THADA: variants seen among roughly 807,000 people sequenced by gnomAD.
THADA encodes the protein THADA armadillo repeat containing.
A neutral mutation model predicts 219.8 loss-of-function variants in THADA; 213 were observed. The observed-to-expected ratio is 0.97, with a 90% confidence interval of 0.87 to 1.09. The LOEUF (loss-of-function observed/expected upper bound fraction) is 1.09. Ranked by LOEUF, THADA falls within the 50% of genes least tolerant of loss-of-function variation. THADA has a pLI of 0.00. For synonymous variants in THADA, 1,018 were observed against 828.9 expected (o/e 1.23, Z -3.92); for missense variants, 2,956 against 2,311.3 (o/e 1.28, Z -5.72).
intron 26 of THADA, among the ~76,000 whole-genome samples, chr2:43,434,296 C>T (rs981354847): frequency 6.6e-6 from 1 of 152,200 alleles, no homozygotes; most frequent in African/African-American, 2.4e-5. Context: ...ATCCCAAGCT[C>T]CCACTGATAT....
At chr2:43,485,579 C>G (rs1362890801) in intron 25 of THADA, among the ~76,000 whole-genome samples, 1 of 152,136 alleles carries the variant, frequency 6.6e-6, no homozygotes, top group East Asian at 1.9e-4. Flanking sequence ...TTACCATCAA[C>G]AGTTTTCACT....
intron 7 of THADA, among the ~76,000 whole-genome samples, chr2:43,585,180 A>G (rs1246790467): frequency 6.6e-6 from 1 of 152,036 alleles, no homozygotes; most frequent in Non-Finnish European, 1.5e-5. Flanking sequence ...CAATAGGCGC[A>G]GACATTCAAA....
chr2:43,327,265 G>A (rs1199223182), intron 30 of THADA, among the ~76,000 whole-genome samples: 1 of 152,100 alleles, frequency 6.6e-6, no homozygotes, highest in African/African-American at 2.4e-5. Flanking sequence ...TATTTAAGCA[G>A]CTCAGATCAC....
intron 26 of THADA, among the ~76,000 whole-genome samples, chr2:43,474,927 C>T (rs1041128256): frequency 5.9e-5 from 9 of 151,834 alleles, no homozygotes; most frequent in African/African-American, 2.2e-4. Flanking sequence ...TGACCCAGAC[C>T]GCCTCATGGA....
intron 28 of THADA, among the ~76,000 whole-genome samples, chr2:43,422,415 C>A (rs1461361978): frequency 6.6e-6 from 1 of 152,102 alleles, no homozygotes; most frequent in African/African-American, 2.4e-5. Flanking sequence ...TCTTCAGTGA[C>A]CTTCCTAAAA....
At chr2:43,448,560 C>CTTTTTTTTTTTTTTTTTTTTTCTTTTTT (rs71410179) in intron 26 of THADA, among the ~76,000 whole-genome samples, 12 of 103,616 alleles carry the variant, frequency 1.2e-4, no homozygotes, top group Non-Finnish European at 1.7e-4. Flanking sequence ...TTCTTCCTTT[C>CTTTTTTTTTTTTTTTTTTTTTCTTTTTT]TTTTTTTTTT....
intron 28 of THADA, among the ~76,000 whole-genome samples, chr2:43,403,939 T>G (rs548490348): frequency 3.3e-5 from 5 of 152,160 alleles, no homozygotes; most frequent in Non-Finnish European, 7.3e-5. Flanking sequence ...GGTCATCTAC[T>G]GACAACCCAA....
chr2:43,540,824 T>G lies in THADA; in HGVS notation c.3264+335A>C, dbSNP rs79795323. Among the ~76,000 whole-genome samples, 7 of 152,310 alleles carry G rather than the reference T, an allele frequency of 4.6e-5. No homozygotes were observed. In the East Asian group the frequency reaches 1.3e-3, roughly 29 times the overall value. ...TTTTTCTTTCCAAAATTTAAGAGAT[T>G]TGTGGAGTTTTACTAAATAAGACAA... On this transcript the variant is annotated intron_variant, in intron 21 of 37. Coordinates refer to ENST00000405975, the MANE Select transcript of THADA (RefSeq NM_022065.5).
chr2:43,582,811 C>T (rs1700600924), intron 7 of THADA, among the ~76,000 whole-genome samples: 1 of 151,978 alleles, frequency 6.6e-6, no homozygotes, highest in Admixed American at 6.5e-5. Context: ...TCAAGTGATC[C>T]ACCTGCCTCG....
intron 36 of THADA, among the ~76,000 whole-genome samples, chr2:43,242,556 G>T (rs996404164): frequency 6.6e-6 from 1 of 151,980 alleles, no homozygotes; most frequent in African/African-American, 2.4e-5. Flanking sequence ...CAGTGGTGTG[G>T]TCTCAGCTCA....
intron 26 of THADA, among the ~76,000 whole-genome samples, chr2:43,432,954 A>G (rs1395480182): frequency 2.6e-5 from 4 of 152,152 alleles, no homozygotes; most frequent in African/African-American, 9.7e-5. Context: ...TTTGATGAGG[A>G]GAATTTTAAA....
At chr2:43,580,788 G>C (rs1700349295) in intron 8 of THADA, among the ~76,000 whole-genome samples, 1 of 151,810 alleles carries the variant, frequency 6.6e-6, no homozygotes, top group African/African-American at 2.4e-5. Flanking sequence ...GCTGAGGCAA[G>C]AAAATCGCTT....
At chr2:43,243,892 A>G (rs1384281133) in intron 36 of THADA, among the ~76,000 whole-genome samples, 6 of 152,244 alleles carry the variant, frequency 3.9e-5, no homozygotes, top group Non-Finnish European at 8.8e-5. Flanking sequence ...CAAACTCCAC[A>G]GAAGTGTTAC....
At chr2:43,436,601 G>A (rs1006464961) in intron 26 of THADA, among the ~76,000 whole-genome samples, 2 of 152,168 alleles carry the variant, frequency 1.3e-5, no homozygotes, top group African/African-American at 4.8e-5. Context: ...TCATTTCAAG[G>A]GACAGCTGAA....
intron 35 of THADA, among the ~76,000 whole-genome samples, chr2:43,285,284 C>T (rs377500791): frequency 4.6e-5 from 7 of 152,108 alleles, no homozygotes; most frequent in African/African-American, 1.2e-4. Flanking sequence ...GAATTGGAGG[C>T]GGGGCCTGGT....
At chr2:43,551,333 C>T (rs760469365) in intron 19 of THADA, among the ~76,000 whole-genome samples, 12 of 152,156 alleles carry the variant, frequency 7.9e-5, no homozygotes, top group African/African-American at 2.2e-4. Flanking sequence ...GGACCAAAAA[C>T]GTTCTCAATT....
intron 25 of THADA, among the ~76,000 whole-genome samples, chr2:43,489,789 C>T (rs1173089907): frequency 6.7e-6 from 1 of 148,846 alleles, no homozygotes; most frequent in Non-Finnish European, 1.5e-5. Flanking sequence ...AAATTGGGAC[C>T]TGTGGGGCCT....
At chr2:43,250,373 A>C (rs981978055) in intron 36 of THADA, among the ~76,000 whole-genome samples, 5 of 152,252 alleles carry the variant, frequency 3.3e-5, no homozygotes, top group Non-Finnish European at 5.9e-5. Context: ...CAGAAAGCAG[A>C]CTGGCAGTTG....
intron 26 of THADA, among the ~76,000 whole-genome samples, chr2:43,475,521 T>C (rs1685425133): frequency 6.6e-6 from 1 of 151,722 alleles, no homozygotes; most frequent in Non-Finnish European, 1.5e-5. Context: ...AGAGGTGAAA[T>C]TCGAAAGTGA....
Sources: gnomAD v4.1 joint callset for allele counts (sites outside exome capture counted in the v4.1 genomes callset) on GRCh38, gnomAD v4.1.1 for gene constraint, MANE v1.5 for transcripts, NCBI Gene and HGNC (gene_info 2026-07-23, HGNC 2026-07-21) for gene names.